The following ZMIZ1 variants were observed in gnomAD, a reference collection of about 807,000 sequenced individuals.
ZMIZ1 encodes zinc finger MIZ-type containing 1.
A neutral mutation model predicts 113.9 loss-of-function variants in ZMIZ1; 17 were observed. That is an observed-to-expected ratio of 0.15 (90% CI 0.10 to 0.22). The LOEUF (loss-of-function observed/expected upper bound fraction) is 0.22, where lower values mean the gene tolerates loss of function less well. ZMIZ1 is among the 10% of genes least tolerant of loss of function. ZMIZ1 has a pLI of 1.00. For synonymous variants in ZMIZ1, 607 were observed against 603.1 expected (o/e 1.01, Z -0.09); for missense variants, 1,059 against 1,477.8 (o/e 0.72, Z 4.65).
intron 8 of ZMIZ1, among the ~76,000 whole-genome samples, chr10:79,287,287 C>T (rs908906323): frequency 2.0e-5 from 3 of 152,232 alleles, no homozygotes; most frequent in African/African-American, 7.2e-5. Context: ...TCCCTCTGGG[C>T]TCCCAGTCTC....
At chr10:79,115,873 T>C (rs1843997931) in intron 1 of ZMIZ1, among the ~76,000 whole-genome samples, 1 of 152,216 alleles carries the variant, frequency 6.6e-6, no homozygotes, top group Non-Finnish European at 1.5e-5. Context: ...ATGGAGTCAA[T>C]ACATGGAAGG....
At chr10:79,109,162 G>A (rs560011727) in intron 1 of ZMIZ1, among the ~76,000 whole-genome samples, 1 of 152,168 alleles carries the variant, frequency 6.6e-6, no homozygotes, top group African/African-American at 2.4e-5. Context: ...TGATCTGTTC[G>A]TGGCTCTGGG....
intron 4 of ZMIZ1, among the ~76,000 whole-genome samples, chr10:79,198,534 G>C (rs1264968122): frequency 6.6e-6 from 1 of 152,176 alleles, no homozygotes. Context: ...TGAATGGAGG[G>C]ATGGTTGGCA....
At chr10:79,255,912 G>A (rs893480906) in intron 7 of ZMIZ1, among the ~76,000 whole-genome samples, 1 of 152,184 alleles carries the variant, frequency 6.6e-6, no homozygotes, top group African/African-American at 2.4e-5. Flanking sequence ...ATTGTAAATC[G>A]GAAGACAATT....
intron 7 of ZMIZ1, 39 bp downstream of exon 7, chr10:79,216,313 G>T (rs776746401): frequency 6.5e-7 from 1 of 1,540,930 alleles, no homozygotes; most frequent in Non-Finnish European, 8.8e-7. Flanking sequence ...TCACTGGGAG[G>T]TGGGGAGGGG....
At position 79,300,724 on chromosome 10, in the gene ZMIZ1, C is replaced by T. The variant is rs1481224806; in HGVS notation, c.1809-8C>T. On this transcript the variant is annotated splice_region_variant and splice_polypyrimidine_tract_variant and intron_variant, in intron 16 of 24. Transcript: ENST00000334512. The stretch of plus-strand genomic sequence containing the variant: ...GAGCTGCCCTGAGCACCCTCGTTCC[C>T]CACCTAGGTCTGACCTGGAGCTGCA... The T allele has an allele frequency of 5.0e-6, 8 of 1,613,038 alleles. No homozygotes were observed. The Admixed American group carries it at 6.7e-5, about 13-fold the overall frequency.
Position 79,223,433 on chromosome 10 carries a change from C to A in ZMIZ1, c.280+7159C>A, listed in dbSNP as rs570422503. On this transcript the variant is annotated intron_variant, in intron 7 of 24. Transcript: ENST00000334512. ...ACCCCCACATACAAGCTCAGCAAAG[C>A]TGGGATGTTGGGGAGGGGTTTGGCT... Among the ~76,000 whole-genome samples, 34 of 152,322 alleles carry A rather than the reference C, an allele frequency of 2.2e-4. 1 individual carries two copies. In the South Asian group the frequency reaches 6.8e-3, roughly 31 times the overall value.
At chr10:79,080,085 C>T (rs1842607031) in intron 1 of ZMIZ1, among the ~76,000 whole-genome samples, 1 of 152,202 alleles carries the variant, frequency 6.6e-6, no homozygotes, top group Admixed American at 6.5e-5. Context: ...TGGCCGGCCA[C>T]TCTGTAATTG....
intron 23 of ZMIZ1, among the ~76,000 whole-genome samples, chr10:79,310,187 G>A (rs879679946): frequency 1.3e-5 from 2 of 152,182 alleles, no homozygotes; most frequent in African/African-American, 2.4e-5. Flanking sequence ...AGAGGTGCCT[G>A]CCTCCCTCAC....
At chr10:79,181,879 G>A (rs952195678) in intron 4 of ZMIZ1, among the ~76,000 whole-genome samples, 23 of 152,292 alleles carry the variant, frequency 1.5e-4, no homozygotes, top group African/African-American at 5.3e-4. Context: ...CACAGCCACC[G>A]CCCGGCTCCC....
At chr10:79,143,661 C>T in intron 3 of ZMIZ1, among the ~76,000 whole-genome samples, 1 of 152,190 alleles carries the variant, frequency 6.6e-6, no homozygotes, top group East Asian at 1.9e-4. Context: ...CACCTTCCAG[C>T]ATAACAGTGA....
intron 1 of ZMIZ1, among the ~76,000 whole-genome samples, chr10:79,117,481 C>A (rs558801726): frequency 6.6e-6 from 1 of 152,338 alleles, no homozygotes; most frequent in South Asian, 2.1e-4. Flanking sequence ...CATTCCCAAG[C>A]CTGTGCAGCA....
Position 79,216,293 on chromosome 10 carries a change from C to T in ZMIZ1, c.280+19C>T. 6.4e-7 allele frequency: 1 copy of T among 1,572,358 alleles called. No individual in the cohort carries two copies. The highest frequency in any genetic ancestry group is 8.6e-7 in the Non-Finnish European group (1 of 1,157,794). ...TCTGCCGGTAGGTGTCCGTGGGGGA[C>T]TCTGCGATGTCACTGGGAGGTGGGG... On this transcript the variant is annotated intron_variant, in intron 7 of 24. Coordinates refer to ENST00000334512, the MANE Select transcript of ZMIZ1 (RefSeq NM_020338.4).
At chr10:79,301,130 G>A (rs753956555) in intron 17 of ZMIZ1, among the ~76,000 whole-genome samples, 188 bp downstream of exon 17, 17 of 152,096 alleles carry the variant, frequency 1.1e-4, no homozygotes, top group African/African-American at 2.9e-4. Flanking sequence ...CCTTCAAACC[G>A]TTGGGCCTTC....
intron 1 of ZMIZ1, among the ~76,000 whole-genome samples, chr10:79,083,626 G>T (rs532621351): frequency 6.6e-6 from 1 of 152,188 alleles, no homozygotes; most frequent in African/African-American, 2.4e-5. Flanking sequence ...AGGGACAAGG[G>T]TGGCCACAAG....
At chr10:79,223,614 C>T (rs557736923) in intron 7 of ZMIZ1, among the ~76,000 whole-genome samples, 10 of 152,336 alleles carry the variant, frequency 6.6e-5, no homozygotes, top group Non-Finnish European at 1.3e-4. Context: ...GTTTCAGTGC[C>T]GTGGGAAAGG....
At chr10:79,279,490 G>T (rs1425014582) in intron 8 of ZMIZ1, among the ~76,000 whole-genome samples, 1 of 152,002 alleles carries the variant, frequency 6.6e-6, no homozygotes, top group African/African-American at 2.4e-5. Context: ...CTGGGCGGCC[G>T]GGCAGAGGGG....
At position 79,069,281 on chromosome 10, in the gene ZMIZ1, G is replaced by A. The variant is rs1281200059; in HGVS notation, c.-337+11G>A. The A allele has an allele frequency of 6.6e-6, 1 of 150,602 alleles. No homozygotes were observed. Among genetic ancestry groups the A allele is most frequent in the Non-Finnish European group, 1.5e-5 (1 of 67,482 alleles). 9.3% of individuals were successfully genotyped at this position (150,602 alleles called of 1,614,324 possible). A position where few individuals can be genotyped will look rare whatever the true frequency, so the allele number is the denominator to read the frequency against. On this transcript the variant is annotated intron_variant, in intron 1 of 24. Transcript: ENST00000334512. This position sits in a 1 kb window ranked among gnomAD's most constrained non-coding sequence, Gnocchi z 4.6. Reference sequence around the variant, plus strand: ...CGCTCGCAGCGCCCGGTAAGTTTGGGGCCAGAGCCAGGCGCCCGCTGGCTC... The same window carrying A: ...CGCTCGCAGCGCCCGGTAAGTTTGGAGCCAGAGCCAGGCGCCCGCTGGCTC...
At chr10:79,201,264 C>T (rs1194791466) in intron 4 of ZMIZ1, among the ~76,000 whole-genome samples, 19 of 152,154 alleles carry the variant, frequency 1.2e-4, no homozygotes, top group Non-Finnish European at 1.0e-4. Context: ...GCCGAGATCG[C>T]GCCATTGCAC....
Sources: gnomAD v4.1 joint callset for allele counts (sites outside exome capture counted in the v4.1 genomes callset) on GRCh38, gnomAD v4.1.1 for gene constraint, Gnocchi (gnomAD v3.1) non-coding constraint, MANE v1.5 for transcripts, NCBI Gene and HGNC (gene_info 2026-07-23, HGNC 2026-07-21) for gene names.